The following ZNF573 variants were observed in gnomAD, a reference collection of about 807,000 sequenced individuals.
ZNF573 encodes zinc finger protein 573.
In ZNF573, 41 loss-of-function variants were observed where a neutral mutation model predicts 57.4. That is an observed-to-expected ratio of 0.71 (90% CI 0.56 to 0.93). The LOEUF is 0.93. ZNF573 is among the 40% of genes least tolerant of loss of function. ZNF573 has a pLI of 0.00. For synonymous variants in ZNF573, 249 were observed against 261.0 expected, an observed-to-expected ratio of 0.95 and a Z score of 0.44; for missense variants, 730 against 794.8, an observed-to-expected ratio of 0.92 and a Z score of 0.98.
intron 4 of ZNF573, among the ~76,000 whole-genome samples, chr19:37,746,179 C>G (rs2045380662): frequency 1.3e-5 from 2 of 152,182 alleles, no homozygotes; most frequent in African/African-American, 4.8e-5. Flanking sequence ...AAACAGTGCA[C>G]TGTGATATGA....
chr19:37,738,861 T>C lies in ZNF573; in HGVS notation c.1629A>G (p.Leu543=). 6.2e-7 allele frequency: 1 copy of C among 1,611,354 alleles called. No individual in the cohort carries two copies. The highest frequency in any genetic ancestry group is 8.5e-7 in the Non-Finnish European group (1 of 1,179,284). The change falls in exon 5 of 5, where the codon CTA becomes CTG. Residue 543 remains leucine (L), a synonymous_variant. Coordinates refer to ENST00000536220, the MANE Select transcript of ZNF573 (RefSeq NM_001172690.2). ...TCTCATCAGTATGAATACTTTGATG[T>C]AGAGTAAGATTTCTATAGAAAGTAA... is the stretch of plus-strand genomic sequence containing the variant. ...KTFTFYRNLT[L]HQSIHTDEKP... is the part of the protein sequence containing the mutation.
At chr19:37,755,000 C>T (rs190174760) in intron 4 of ZNF573, among the ~76,000 whole-genome samples, 69 of 152,150 alleles carry the variant, frequency 4.5e-4, no homozygotes, top group African/African-American at 1.5e-3. Flanking sequence ...GACAGAGTCT[C>T]GCTCTGTCTC....
At chr19:37,772,392 C>T (rs751977288) in intron 2 of ZNF573, among the ~76,000 whole-genome samples, 1 of 151,818 alleles carries the variant, frequency 6.6e-6, no homozygotes, top group South Asian at 2.1e-4. Flanking sequence ...CTCAGCCTCC[C>T]AAAGTGCTGG....
intron 4 of ZNF573, among the ~76,000 whole-genome samples, chr19:37,743,861 C>T (rs2045351484): frequency 6.6e-6 from 1 of 152,140 alleles, no homozygotes; most frequent in African/African-American, 2.4e-5. Flanking sequence ...AGCTGGAGGC[C>T]ATCATTCTCA....
chr19:37,762,790 G>C (rs879552948), intron 4 of ZNF573, among the ~76,000 whole-genome samples: 4 of 101,930 alleles, frequency 3.9e-5, no homozygotes, highest in South Asian at 3.4e-4. Context: ...TTTTTTTTTT[G>C]AGAAGGAGTC....
At chr19:37,757,236 G>A (rs987716630) in intron 4 of ZNF573, among the ~76,000 whole-genome samples, 6 of 151,948 alleles carry the variant, frequency 3.9e-5, no homozygotes, top group Non-Finnish European at 4.4e-5. Context: ...TCACTCTGTC[G>A]CCCAGGCTAG....
intron 4 of ZNF573, among the ~76,000 whole-genome samples, chr19:37,768,268 A>C (rs2045619968): frequency 6.6e-6 from 1 of 152,116 alleles, no homozygotes; most frequent in African/African-American, 2.4e-5. Flanking sequence ...TCTTATTCCC[A>C]AAAATTCAAA....
At position 37,755,685 on chromosome 19, in the gene ZNF573, G is replaced by T. The variant is rs1372818178; in HGVS notation, c.295+14320C>A. Among the ~76,000 whole-genome samples, 3 of 151,900 alleles carry T rather than the reference G, an allele frequency of 2.0e-5. No individual in the cohort carries two copies. In the East Asian group the frequency reaches 5.8e-4, roughly 29 times the overall value. ...CTTAAATACTGAAGAGATCAAAAAA[G>T]AATGAAAATAAGTGAGTAATTATGA... On this transcript the variant is annotated intron_variant, in intron 4 of 4. Transcript: ENST00000536220.
At chr19:37,773,476 A>C (rs868097632) in intron 2 of ZNF573, among the ~76,000 whole-genome samples, 185 bp downstream of exon 2, 2 of 152,228 alleles carry the variant, frequency 1.3e-5, no homozygotes, top group Non-Finnish European at 1.5e-5. Context: ...AATAAATATA[A>C]AAGTGGACAG....
chr19:37,751,723 T>C (rs2045437185), intron 4 of ZNF573, among the ~76,000 whole-genome samples: 1 of 139,174 alleles, frequency 7.2e-6, no homozygotes, highest in African/African-American at 2.7e-5. Context: ...CATAGTACCG[T>C]ATATATACTG....
chr19:37,739,420 G>T lies in ZNF573; in HGVS notation c.1070C>A (p.Pro357His), dbSNP rs765875209. ...LHQRIHKGGK[P>H]YECKECKKTF... Reference sequence around the variant, plus strand: ...TTTCTTACACTCCTTACATTCATAGGGTTTTCCACCTTTATGAATTCTCTG... The same window carrying T: ...TTTCTTACACTCCTTACATTCATAGTGTTTTCCACCTTTATGAATTCTCTG... Residue 357 changes from proline (P) to histidine (H), a missense_variant, in exon 5 of 5, where the codon CCC (proline) becomes CAC (histidine). Physicochemically the swap from Pro to His is moderately conservative, Grantham distance 77 (BLOSUM62 -2). Coordinates refer to ENST00000536220, the MANE Select transcript of ZNF573 (RefSeq NM_001172690.2). 1.2e-6 allele frequency: 2 copies of T among 1,613,988 alleles called. No homozygotes were observed. Among genetic ancestry groups the T allele is most frequent in the East Asian group, 4.5e-5 (2 of 44,872 alleles).
intron 4 of ZNF573, among the ~76,000 whole-genome samples, chr19:37,757,324 G>A (rs1304380158): frequency 6.6e-6 from 1 of 152,040 alleles, no homozygotes. Flanking sequence ...AGCTTCCCGA[G>A]TAGCTGAGAC....
intron 4 of ZNF573, among the ~76,000 whole-genome samples, chr19:37,767,649 G>A (rs1158986682): frequency 6.6e-6 from 1 of 152,176 alleles, no homozygotes; most frequent in Admixed American, 6.5e-5. Context: ...CTTACTGGCT[G>A]TTGTGCAGTG....
intron 3 of ZNF573, among the ~76,000 whole-genome samples, chr19:37,770,832 T>TTATATATA (rs58757674): frequency 0.019 from 1,798 of 93,294 alleles, 79 homozygotes; most frequent in African/African-American, 0.03. Flanking sequence ...TTAAGTTATT[T>TTATATATA]TATATATATA....
In ZNF573 at chr19:37,771,200, G is replaced by A. The variant is rs373425658; in HGVS notation, c.202+364C>T. 1.4e-4 allele frequency among the ~76,000 whole-genome samples: 21 copies of A among 151,778 alleles called. 1 individual carries two copies. The highest frequency in any genetic ancestry group is 9.9e-4 in the Admixed American group (15 of 15,220). On this transcript the variant is annotated intron_variant, in intron 3 of 4. Transcript: ENST00000536220. The stretch of plus-strand genomic sequence containing the variant: ...TGCAGGTGGATCAGATGATGACACA[G>A]CATATCTATAGGAATTCTGGAAATA...
intron 1 of ZNF573, among the ~76,000 whole-genome samples, chr19:37,774,646 C>T (rs1346681909): frequency 6.6e-6 from 1 of 152,098 alleles, no homozygotes; most frequent in East Asian, 1.9e-4. Context: ...TTAAAAATTT[C>T]AGATATACTG....
At chr19:37,778,725 CAGGG>C (rs1200773027) in intron 1 of ZNF573, among the ~76,000 whole-genome samples, 2 of 152,026 alleles carry the variant, frequency 1.3e-5, no homozygotes, top group African/African-American at 4.8e-5. Flanking sequence ...ATAGCAGGAC[CAGGG>C]AGGGAGAAAA....
Position 37,756,358 on chromosome 19 carries a change from C to T in ZNF573, c.295+13647G>A, listed in dbSNP as rs533385154. 8.9e-4 allele frequency among the ~76,000 whole-genome samples: 136 copies of T among 152,192 alleles called. 2 individuals carry two copies. The South Asian group carries it at 0.014, about 15-fold the overall frequency. On this transcript the variant is annotated intron_variant, in intron 4 of 4. Coordinates refer to ENST00000536220, the MANE Select transcript of ZNF573 (RefSeq NM_001172690.2). ...TGAAAAATGTTAAGAATTGTACATA[C>T]GGTTTCAGAAATAGTAGATTAAGAT...
intron 4 of ZNF573, among the ~76,000 whole-genome samples, chr19:37,763,684 T>A (rs920393962): frequency 6.6e-6 from 1 of 152,178 alleles, no homozygotes; most frequent in African/African-American, 2.4e-5. Flanking sequence ...GGGAGGAGAC[T>A]GGGCATACTA....
Sources: allele counts gnomAD v4.1 joint callset (sites outside exome capture counted in the v4.1 genomes callset), GRCh38; gene constraint gnomAD v4.1.1; transcripts MANE v1.5; gene names NCBI Gene and HGNC (gene_info 2026-07-23, HGNC 2026-07-21).